Variants in ASCC2 observed in about 807,000 individuals in gnomAD.
ASCC2 encodes ASC-1 complex subunit P100.
ASCC2 carries 42 observed loss-of-function variants against 93.5 expected under a neutral mutation model. The observed-to-expected ratio is 0.45, with a 90% CI of 0.35 to 0.58. The LOEUF is 0.58. ASCC2 is among the 20% of genes least tolerant of loss of function. The pLI, the probability that ASCC2 is intolerant of heterozygous loss-of-function variation, is 0.00. For missense variants in ASCC2, 859 were observed against 977.6 expected (o/e 0.88, Z 1.62); for synonymous variants, 364 against 384.2 (o/e 0.95, Z 0.62).
intron 5 of ASCC2, among the ~76,000 whole-genome samples, chr22:29,820,713 T>A (rs968635609): frequency 2.6e-5 from 4 of 151,542 alleles, no homozygotes; most frequent in Non-Finnish European, 4.4e-5. Context: ...GGCGGGTGGA[T>A]CACCTGAGGT....
At chr22:29,791,663 G>A (rs367849505) in intron 18 of ASCC2, among the ~76,000 whole-genome samples, 2 of 152,120 alleles carry the variant, frequency 1.3e-5, no homozygotes, top group Admixed American at 6.6e-5. Context: ...CCTGGATGAC[G>A]AGAGTGGGAC....
chr22:29,793,853 C>T (rs867748737), intron 15 of ASCC2, among the ~76,000 whole-genome samples, 177 bp from the exon 16 acceptor site: 1 of 151,160 alleles, frequency 6.6e-6, no homozygotes. Flanking sequence ...GCTGCTGGTG[C>T]CCATAAGGAT....
rs374779347 is a variant in ASCC2 at position 29,825,895 on chromosome 22, C to T, written c.82-115G>A. ...TTCCAACCGGTGACCCTCCAAGGAG[C>T]TTTTAAGCATAAAGAACCAAGTGTA... On this transcript the variant is annotated intron_variant, in intron 2 of 19. Coordinates refer to ENST00000307790, the MANE Select transcript of ASCC2 (RefSeq NM_032204.5). The surrounding 1 kb of genome is among the most constrained non-coding windows in gnomAD (Gnocchi z 4.9). The T allele has an allele frequency of 1.6e-5, 20 of 1,262,100 alleles. No homozygotes were observed. Among genetic ancestry groups the T allele is most frequent in the Non-Finnish European group, 1.5e-5 (14 of 905,378 alleles). 78.2% of individuals were successfully genotyped at this position (1,262,100 alleles called of 1,614,324 possible).
chr22:29,830,126 G>A (rs1014491414), intron 2 of ASCC2, among the ~76,000 whole-genome samples: 1 of 152,138 alleles, frequency 6.6e-6, no homozygotes, highest in African/African-American at 2.4e-5. Context: ...TAGTGCTGCT[G>A]TTGTTGTCCC....
rs763220369 is a variant in ASCC2 at position 29,802,159 on chromosome 22, A to G, written c.1403T>C (p.Leu468Pro). The G allele has an allele frequency of 1.2e-6, 2 of 1,614,258 alleles. No homozygotes were observed. Among genetic ancestry groups the G allele is most frequent in the Non-Finnish European group, 1.7e-6 (2 of 1,180,050 alleles). Reference protein sequence around the residue: ...AVGPAMCGVELDSLISQVKDL... With the variant: ...AVGPAMCGVEPDSLISQVKDL... ...CTTCACTTGGGAGATGAGAGAGTCC[A>G]GTTCCACCCCACACATGGCAGGGCC... The change falls in exon 14 of 20, where the codon CTG becomes CCG. Residue 468 changes from leucine to proline, a missense_variant. By Grantham distance (98) the Leu-to-Pro change is moderately conservative (BLOSUM62 -3). Coordinates refer to ENST00000307790, the MANE Select transcript of ASCC2 (RefSeq NM_032204.5).
At chr22:29,812,145 T>C (rs543010891) in intron 8 of ASCC2, among the ~76,000 whole-genome samples, 37 of 152,196 alleles carry the variant, frequency 2.4e-4, no homozygotes, top group Non-Finnish European at 4.1e-4. Flanking sequence ...CTCTGGCACA[T>C]GTAAGGACTA....
rs757741892 is a variant in ASCC2, at chr22:29,825,294, C to G, written c.241-37G>C. 3 of 1,506,036 alleles carry G rather than the reference C, an allele frequency of 2.0e-6. No homozygotes were observed. The South Asian group carries it at 4.1e-5, about 20-fold the overall frequency. The allele number at this position is 1,506,036 out of a possible 1,614,324, so 93.3% of individuals were successfully genotyped here. A position where few individuals can be genotyped will look rare whatever the true frequency, so the allele number is the denominator to read the frequency against. On this transcript the variant is annotated intron_variant, in intron 3 of 19. Transcript: ENST00000307790. This position sits in a 1 kb window ranked among gnomAD's most constrained non-coding sequence, Gnocchi z 4.9. ...GACAGAGGAGAGCGAGGATTTATCCCTTAGGCCCCAGGGGCTTGTGGGTGG... is the reference window on the plus strand; with the variant it reads ...GACAGAGGAGAGCGAGGATTTATCCGTTAGGCCCCAGGGGCTTGTGGGTGG...
In ASCC2 at chr22:29,825,714, C is replaced by T. The variant is rs1186714257; in HGVS notation, c.148G>A (p.Ala50Thr). 5.0e-6 allele frequency: 8 copies of T among 1,614,062 alleles called. No individual in the cohort carries two copies. The highest frequency in any genetic ancestry group is 3.3e-5 in the South Asian group (3 of 91,090). The change falls in exon 3 of 20, where the codon GCC (alanine) becomes ACC (threonine). Residue 50 changes from alanine to threonine, a missense_variant. Ala to Thr is a moderately conservative substitution (Grantham distance 58). Coordinates refer to ENST00000307790, the MANE Select transcript of ASCC2 (RefSeq NM_032204.5). This position sits in a 1 kb window ranked among gnomAD's most constrained non-coding sequence, Gnocchi z 4.9. ...CGTTCCAGGTACTCCTCCACTAGGGCGGGAATGTTGTCTTTAGGGGGCGGT... is the reference window on the plus strand; with the variant it reads ...CGTTCCAGGTACTCCTCCACTAGGGTGGGAATGTTGTCTTTAGGGGGCGGT... ...YKPPPKDNIP[A>T]LVEEYLERAT... is the part of the protein sequence containing the mutation.
At chr22:29,804,941 G>C in intron 12 of ASCC2, 111 bp from the exon 13 acceptor site, 1 of 1,256,606 alleles carries the variant, frequency 8.0e-7, no homozygotes, top group South Asian at 1.4e-5. Flanking sequence ...GGCTTTCTGG[G>C]CTATATCTAA....
chr22:29,798,242 A>C (rs1348200171), intron 15 of ASCC2, among the ~76,000 whole-genome samples: 1 of 151,554 alleles, frequency 6.6e-6, no homozygotes, highest in Non-Finnish European at 1.5e-5. Flanking sequence ...CAGACCCTAC[A>C]TTTTCTTTAG....
intron 8 of ASCC2, among the ~76,000 whole-genome samples, chr22:29,811,174 C>T (rs1354748209): frequency 6.6e-6 from 1 of 152,176 alleles, no homozygotes; most frequent in Non-Finnish European, 1.5e-5. Context: ...TGTGGCACCA[C>T]TGTTAAGTAA....
At chr22:29,796,003 G>C (rs140919788) in intron 15 of ASCC2, among the ~76,000 whole-genome samples, 410 of 152,176 alleles carry the variant, frequency 2.7e-3, no homozygotes, top group African/African-American at 9.2e-3. Flanking sequence ...GGTGCAGGGA[G>C]AGGCAGGCGT....
chr22:29,805,540 C>A (rs1236993310), intron 12 of ASCC2, among the ~76,000 whole-genome samples: 1 of 152,182 alleles, frequency 6.6e-6, no homozygotes, highest in Non-Finnish European at 1.5e-5. Flanking sequence ...ACCTTCCGCG[C>A]TCCCCAGCGC....
At chr22:29,795,209 G>A (rs2058283525) in intron 15 of ASCC2, among the ~76,000 whole-genome samples, 1 of 151,964 alleles carries the variant, frequency 6.6e-6, no homozygotes, top group East Asian at 1.9e-4. Context: ...TTACAGGAAT[G>A]AGCCACCGTG....
intron 15 of ASCC2, among the ~76,000 whole-genome samples, chr22:29,797,173 G>T (rs1378602455): frequency 6.6e-6 from 1 of 152,212 alleles, no homozygotes; most frequent in Non-Finnish European, 1.5e-5. Context: ...CTTCAGTCAA[G>T]CCTGGAAACA....
chr22:29,812,495 C>A (rs1356437720), intron 8 of ASCC2, among the ~76,000 whole-genome samples: 2 of 152,238 alleles, frequency 1.3e-5, no homozygotes, highest in African/African-American at 4.8e-5. Context: ...CTAACAGCTC[C>A]TTTGGATAAA....
chr22:29,795,237 A>G (rs1465531008), intron 15 of ASCC2, among the ~76,000 whole-genome samples: 1 of 151,770 alleles, frequency 6.6e-6, no homozygotes, highest in East Asian at 1.9e-4. Context: ...TAATTTTTAA[A>G]TTTTTTGTAG....
chr22:29,795,732 C>T (rs745352145), intron 15 of ASCC2, among the ~76,000 whole-genome samples: 2 of 152,214 alleles, frequency 1.3e-5, no homozygotes. Context: ...TGCAGCACAG[C>T]TTCGGCAGGG....
intron 13 of ASCC2, 95 bp from the exon 14 acceptor site, chr22:29,802,303 T>C: frequency 1.6e-6 from 2 of 1,271,214 alleles, no homozygotes; most frequent in Non-Finnish European, 1.1e-6. Context: ...ATCAGGGATC[T>C]GGTTCAAGTC....
Sources: allele counts gnomAD v4.1 joint callset (sites outside exome capture counted in the v4.1 genomes callset), GRCh38; gene constraint gnomAD v4.1.1; non-coding constraint Gnocchi (gnomAD v3.1); transcripts MANE v1.5; gene names NCBI Gene and HGNC (gene_info 2026-07-23, HGNC 2026-07-21).